ASH1L: variants seen among roughly 807,000 people sequenced by gnomAD.
The protein encoded by ASH1L is ASH1 like histone lysine methyltransferase, also known as histone-lysine N-methyltransferase ASH1L.
In ASH1L, 23 loss-of-function variants were observed where a neutral mutation model predicts 269.0. The ratio of observed to expected loss-of-function variants is 0.09; its 90% CI spans 0.06 to 0.12. The LOEUF (loss-of-function observed/expected upper bound fraction) is 0.12. Among genes scored for constraint, ASH1L ranks in the 10% least tolerant of loss-of-function variants. ASH1L has a pLI of 1.00. For missense variants in ASH1L, 2,912 were observed against 3,567.8 expected (o/e 0.82, Z 4.68); for synonymous variants, 1,187 against 1,253.5 (o/e 0.95, Z 1.12).
chr1:155,529,032 A>ATTTTTT (rs111295211), intron 1 of ASH1L, among the ~76,000 whole-genome samples: 10 of 147,664 alleles, frequency 6.8e-5, no homozygotes, highest in Non-Finnish European at 3.0e-5. Context: ...ACATGATCTC[A>ATTTTTT]TTTTTTTTTT....
At chr1:155,536,977 G>A (rs367935069) in intron 1 of ASH1L, among the ~76,000 whole-genome samples, 8 of 150,058 alleles carry the variant, frequency 5.3e-5, no homozygotes, top group African/African-American at 1.5e-4. Flanking sequence ...CCCTGGAGGC[G>A]AGGCTTGCAG....
intron 8 of ASH1L, 50 bp from the exon 9 acceptor site, chr1:155,378,598 A>G (rs1015916365): frequency 1.4e-6 from 2 of 1,426,520 alleles, no homozygotes; most frequent in African/African-American, 2.8e-5. Context: ...TTCAAATGCC[A>G]GACGGCAGCA....
rs1029910858 is a variant in ASH1L, at chr1:155,340,955, C to T, written c.8460+981G>A. On this transcript the variant is annotated intron_variant, in intron 25 of 27. Transcript: ENST00000392403. ...GTTTATACAATAAACACCACCACCA[C>T]AAATTTTGTTTTGTTGTTGTTGTTG... Among the ~76,000 whole-genome samples, 3 of 151,858 alleles carry T rather than the reference C, an allele frequency of 2.0e-5. No individual in the cohort carries two copies. In the South Asian group the frequency reaches 6.2e-4, roughly 32 times the overall value.
At chr1:155,441,765 C>CT (rs543915802) in intron 4 of ASH1L, among the ~76,000 whole-genome samples, 6,390 of 125,420 alleles carry the variant, frequency 0.051, 541 homozygotes, top group African/African-American at 0.17. Flanking sequence ...TGCGCCTGGC[C>CT]TTTTTTTTTT....
chr1:155,444,060 T>A lies in ASH1L; in HGVS notation c.5087-4992A>T, dbSNP rs149465132. Among the ~76,000 whole-genome samples, 1,464 of 146,992 alleles carry A rather than the reference T, an allele frequency of 1.0e-2. 33 individuals are homozygous for A. The highest frequency in any genetic ancestry group is 0.035 in the African/African-American group (1,411 of 39,800). Reference sequence around the variant, plus strand: ...GGGCAGTGGCGTGATCTTGGCTCACTGCAACCTCTGCCTCCCGGGTTCAAG... The same window carrying A: ...GGGCAGTGGCGTGATCTTGGCTCACAGCAACCTCTGCCTCCCGGGTTCAAG... On this transcript the variant is annotated intron_variant, in intron 4 of 27. Coordinates refer to ENST00000392403, the MANE Select transcript of ASH1L (RefSeq NM_018489.3).
chr1:155,559,886 G>A (rs1366263177), intron 1 of ASH1L, among the ~76,000 whole-genome samples: 1 of 151,846 alleles, frequency 6.6e-6, no homozygotes, highest in Non-Finnish European at 1.5e-5. Context: ...ATCCAAAACT[G>A]AAAAAAGACA....
intron 2 of ASH1L, 45 bp downstream of exon 2, chr1:155,521,055 T>C: frequency 2.0e-6 from 3 of 1,512,346 alleles, no homozygotes. Flanking sequence ...AATAGGGAAA[T>C]GAAAATATTG....
At chr1:155,525,478 A>G (rs1359126808) in intron 1 of ASH1L, among the ~76,000 whole-genome samples, 3 of 151,796 alleles carry the variant, frequency 2.0e-5, no homozygotes, top group Non-Finnish European at 4.4e-5. Context: ...TAAGTTAGTA[A>G]AGGATGCTAC....
intron 2 of ASH1L, among the ~76,000 whole-genome samples, chr1:155,489,693 G>A (rs540972448): frequency 6.6e-6 from 1 of 151,914 alleles, no homozygotes; most frequent in South Asian, 2.1e-4. Context: ...GGGAGGCGGA[G>A]CTTGCGGTGA....
At chr1:155,550,068 T>A (rs1263422649) in intron 1 of ASH1L, among the ~76,000 whole-genome samples, 1 of 151,988 alleles carries the variant, frequency 6.6e-6, no homozygotes, top group Non-Finnish European at 1.5e-5. Context: ...TTGCCCAAGC[T>A]GGAGTGCCGT....
At chr1:155,461,830 ACT>A (rs1344664949) in intron 3 of ASH1L, among the ~76,000 whole-genome samples, 2 of 133,598 alleles carry the variant, frequency 1.5e-5, no homozygotes. Flanking sequence ...TGGGAGACGG[ACT>A]CTGTCTCCCA....
intron 3 of ASH1L, 59 bp from the exon 4 acceptor site, chr1:155,459,957 A>ACTGT: frequency 7.5e-7 from 1 of 1,341,026 alleles, no homozygotes; most frequent in South Asian, 1.4e-5. Context: ...AATAATGTGA[A>ACTGT]ACCATCTTTT....
intron 12 of ASH1L, among the ~76,000 whole-genome samples, chr1:155,365,562 C>T (rs1202260741): frequency 3.3e-5 from 5 of 151,870 alleles, no homozygotes; most frequent in Non-Finnish European, 2.9e-5. Context: ...CTCCTGTGAA[C>T]AAAATTTAAA....
rs376981918 is a variant in ASH1L at position 155,389,048 on chromosome 1, C to T, written c.6103+6411G>A. 7.3e-5 allele frequency among the ~76,000 whole-genome samples: 11 copies of T among 150,502 alleles called. No homozygotes were observed. In the Admixed American group the frequency reaches 7.3e-4, roughly 10 times the overall value. On this transcript the variant is annotated intron_variant, in intron 7 of 27. Transcript: ENST00000392403. ...TGAGACAGAGTCTTGCTCTGTCACG[C>T]AGGCTGGAGTGCAATGGTGTGATCC...
chr1:155,341,869 C>T, intron 25 of ASH1L, 67 bp downstream of exon 25: 2 of 1,528,116 alleles, frequency 1.3e-6, no homozygotes, highest in Admixed American at 1.8e-5. Flanking sequence ...AAGATTTTCG[C>T]TCAGTGAATT....
intron 2 of ASH1L, among the ~76,000 whole-genome samples, chr1:155,509,456 A>G (rs866880102): frequency 3.3e-5 from 5 of 152,346 alleles, no homozygotes; most frequent in Middle Eastern, 3.4e-3. Context: ...AATTCAGTGT[A>G]TGACAAAGCA....
At chr1:155,436,285 G>T (rs552176717) in intron 5 of ASH1L, among the ~76,000 whole-genome samples, 1 of 151,830 alleles carries the variant, frequency 6.6e-6, no homozygotes, top group Non-Finnish European at 1.5e-5. Flanking sequence ...TCCACCTCCC[G>T]TGTTCAAGGG....
intron 2 of ASH1L, among the ~76,000 whole-genome samples, chr1:155,499,170 T>C (rs1328920901): frequency 6.6e-6 from 1 of 152,124 alleles, no homozygotes; most frequent in African/African-American, 2.4e-5. Context: ...CATAATTTCT[T>C]AAATAAATTA....
At chr1:155,339,286 A>G (rs775042527) in intron 26 of ASH1L, 42 bp downstream of exon 26, 1 of 1,581,334 alleles carries the variant, frequency 6.3e-7, no homozygotes, top group Non-Finnish European at 8.7e-7. Context: ...TCAAGCTCTT[A>G]GTCAATCCCT....
Sources: gnomAD v4.1 joint callset for allele counts (sites outside exome capture counted in the v4.1 genomes callset) on GRCh38, gnomAD v4.1.1 for gene constraint, MANE v1.5 for transcripts, NCBI Gene and HGNC (gene_info 2026-07-23, HGNC 2026-07-21) for gene names.